C7orf57: variants seen among roughly 807,000 people sequenced by gnomAD.
The protein encoded by C7orf57 is chromosome 7 open reading frame 57.
C7orf57 carries 33 observed loss-of-function variants against 39.0 expected under a neutral mutation model. The observed-to-expected ratio is 0.85, with a 90% CI of 0.64 to 1.13. The LOEUF is 1.13. C7orf57 is among the 50% of genes most tolerant of loss of function. The pLI, the probability that C7orf57 is intolerant of heterozygous loss-of-function variation, is 0.00. For synonymous variants in C7orf57, 124 were observed against 137.1 expected (o/e 0.90, Z 0.67); for missense variants, 346 against 362.3 (o/e 0.95, Z 0.37).
At chr7:48,043,193 G>A (rs1790601672) in intron 3 of C7orf57, among the ~76,000 whole-genome samples, 1 of 152,156 alleles carries the variant, frequency 6.6e-6, no homozygotes, top group Admixed American at 6.5e-5. Context: ...GGTAGATGCT[G>A]GCCTGCATAG....
At chr7:48,038,385 TAG>T (rs770812166) in intron 2 of C7orf57, among the ~76,000 whole-genome samples, 120 of 119,734 alleles carry the variant, frequency 1.0e-3, no homozygotes, top group Non-Finnish European at 1.4e-3. Flanking sequence ...TATATACATA[TAG>T]ATAGATAGAT....
intron 4 of C7orf57, among the ~76,000 whole-genome samples, chr7:48,044,399 A>G (rs1790652778): frequency 6.6e-6 from 1 of 152,216 alleles, no homozygotes; most frequent in Non-Finnish European, 1.5e-5. Context: ...GCCTGGGTTT[A>G]TATGCCGATC....
At chr7:48,058,710 C>T (rs1159430761) in intron 8 of C7orf57, among the ~76,000 whole-genome samples, 1 of 152,020 alleles carries the variant, frequency 6.6e-6, no homozygotes, top group African/African-American at 2.4e-5. Flanking sequence ...TCTTTAGGAC[C>T]TCAAGTTGAA....
intron 6 of C7orf57, among the ~76,000 whole-genome samples, chr7:48,051,814 C>T (rs867708538): frequency 8.3e-4 from 35 of 42,410 alleles, no homozygotes; most frequent in African/African-American, 3.2e-3. Context: ...TTCCTTTTCT[C>T]TTCTCTTTCT....
Position 48,051,347 on chromosome 7 carries a change from A to ATT in C7orf57, c.606-1334_606-1333dup, listed in dbSNP as rs71006546. On this transcript the variant is annotated intron_variant, in intron 6 of 8. Transcript: ENST00000348904. ...AGGTGCCTGCCACCACAGCTGGCTAATTTTTTTTTTTTTTTTTTTTGGAGA... is the reference window on the plus strand; with the variant it reads ...AGGTGCCTGCCACCACAGCTGGCTAATTTTTTTTTTTTTTTTTTTTTTGGAGA... 4.3e-4 allele frequency among the ~76,000 whole-genome samples: 30 copies of ATT among 69,774 alleles called. 4 individuals are homozygous for ATT. The highest frequency in any genetic ancestry group is 1.1e-3 in the African/African-American group (18 of 16,560). 45.8% of individuals were successfully genotyped at this position (69,774 alleles called of 152,430 possible).
chr7:48,043,250 A>C (rs1790603798), intron 3 of C7orf57, among the ~76,000 whole-genome samples: 1 of 152,068 alleles, frequency 6.6e-6, no homozygotes, highest in South Asian at 2.1e-4. Context: ...AAAGAGTGAG[A>C]TGTGGGGAGG....
chr7:48,051,790 C>CTT (rs1191108158), intron 6 of C7orf57, among the ~76,000 whole-genome samples: 1 of 66,848 alleles, frequency 1.5e-5, no homozygotes, highest in African/African-American at 5.7e-5. Flanking sequence ...TTCTTTCTTT[C>CTT]TTTCTTTCCT....
At chr7:48,047,746 A>G (rs973833381) in intron 5 of C7orf57, among the ~76,000 whole-genome samples, 2 of 152,038 alleles carry the variant, frequency 1.3e-5, no homozygotes, top group African/African-American at 2.4e-5. Flanking sequence ...TCTGTCACCC[A>G]GGCTGGAGTG....
At chr7:48,052,143 T>G (rs1298794896) in intron 6 of C7orf57, among the ~76,000 whole-genome samples, 1 of 151,800 alleles carries the variant, frequency 6.6e-6, no homozygotes, top group Non-Finnish European at 1.5e-5. Flanking sequence ...CCAGCTAATT[T>G]TTGTATTTTT....
chr7:48,060,009 G>A (rs1368323373), intron 8 of C7orf57, among the ~76,000 whole-genome samples: 1 of 152,094 alleles, frequency 6.6e-6, no homozygotes, highest in Non-Finnish European at 1.5e-5. Context: ...GTTTCCAATG[G>A]GGCATTCTCT....
intron 6 of C7orf57, among the ~76,000 whole-genome samples, chr7:48,051,658 T>C (rs1189663118): frequency 2.9e-5 from 4 of 140,064 alleles, no homozygotes; most frequent in Admixed American, 1.4e-4. Context: ...CTTCCTCCCT[T>C]CCTTTCTTCC....
At position 48,043,491 on chromosome 7, in the gene C7orf57, G is replaced by A. The variant is rs748855885; in HGVS notation, c.252G>A (p.Lys84=). 11 of 1,613,354 alleles carry A rather than the reference G, an allele frequency of 6.8e-6. No homozygotes were observed. Among genetic ancestry groups the A allele is most frequent in the South Asian group, 2.2e-5 (2 of 91,016 alleles). ...ATTTTCTCTTTTGAGATTTGTTGAA[G>A]CACTTTGCCCCTGGAACCAGGAAAG... is the stretch of plus-strand genomic sequence containing the variant. The part of the protein sequence containing the change: ...AKQGGRPDLL[K]HFAPGTRKGS... Residue 84 remains lysine (K), a synonymous_variant, in exon 4 of 9, where the codon AAG becomes AAA. Coordinates refer to ENST00000348904, the MANE Select transcript of C7orf57 (RefSeq NM_001100159.3).
At chr7:48,053,267 G>T (rs1275573287) in intron 7 of C7orf57, among the ~76,000 whole-genome samples, 1 of 152,078 alleles carries the variant, frequency 6.6e-6, no homozygotes, top group Non-Finnish European at 1.5e-5. Context: ...GACCCTAAAA[G>T]GACTTTTGCA....
At position 48,035,740 on chromosome 7, in the gene C7orf57, G is replaced by GGACC; in HGVS notation, c.-102+111_-102+114dup. 1 of 584,058 alleles carries GGACC rather than the reference G, an allele frequency of 1.7e-6. No individual in the cohort carries two copies. The highest frequency in any genetic ancestry group is 2.0e-5 in the South Asian group (1 of 49,982). The allele number at this position is 584,058 out of a possible 1,614,324, so 36.2% of individuals were successfully genotyped here. A position where few individuals can be genotyped will look rare whatever the true frequency, so the allele number is the denominator to read the frequency against. On this transcript the variant is annotated intron_variant, in intron 1 of 8. Coordinates refer to ENST00000348904, the MANE Select transcript of C7orf57 (RefSeq NM_001100159.3). The surrounding 1 kb of genome is among the most constrained non-coding windows in gnomAD (Gnocchi z 4.0). ...AGTGCGCGCCGGGGCTGGAGGGAGGGGACCACCTTGTCGCCGGGTTGGGAT... is the reference window on the plus strand; with the variant it reads ...AGTGCGCGCCGGGGCTGGAGGGAGGGGACCGACCACCTTGTCGCCGGGTTGGGAT...
At chr7:48,037,768 T>TGTGTGTGTGTGTGC (rs977066344) in intron 2 of C7orf57, among the ~76,000 whole-genome samples, 17 of 150,444 alleles carry the variant, frequency 1.1e-4, no homozygotes, top group African/African-American at 3.9e-4. Context: ...TGTGTGTGTG[T>TGTGTGTGTGTGTGC]GCGCGCGCGT....
intron 8 of C7orf57, among the ~76,000 whole-genome samples, chr7:48,054,886 A>ATTT (rs200255482): frequency 2.7e-5 from 4 of 150,880 alleles, no homozygotes; most frequent in African/African-American, 9.8e-5. Context: ...TATTATTATT[A>ATTT]TTTTTTTTGA....
At chr7:48,043,709 G>T (rs1790622224) in intron 4 of C7orf57, 120 bp downstream of exon 4, 1 of 800,568 alleles carries the variant, frequency 1.2e-6, no homozygotes, top group Non-Finnish European at 2.1e-6. Context: ...GACAACTTCA[G>T]GTTCTCTTTT....
intron 4 of C7orf57, among the ~76,000 whole-genome samples, chr7:48,045,009 T>C (rs1431477320): frequency 6.6e-6 from 1 of 152,246 alleles, no homozygotes; most frequent in Non-Finnish European, 1.5e-5. Flanking sequence ...TTCTGCTTTT[T>C]TTCTTCCAGA....
intron 6 of C7orf57, among the ~76,000 whole-genome samples, chr7:48,051,750 TTTTCTTTC>T (rs368758672): frequency 0.043 from 2,363 of 54,566 alleles, 130 homozygotes; most frequent in Middle Eastern, 0.11. Flanking sequence ...TTTCTTTTTC[TTTTCTTTC>T]TTTCTTTCTT....
Sources: allele counts gnomAD v4.1 joint callset (sites outside exome capture counted in the v4.1 genomes callset), GRCh38; gene constraint gnomAD v4.1.1; non-coding constraint Gnocchi (gnomAD v3.1); transcripts MANE v1.5; gene names NCBI Gene and HGNC (gene_info 2026-07-23, HGNC 2026-07-21).